The following IGFL2 variants were observed in gnomAD, a reference collection of about 807,000 sequenced individuals.
IGFL2 encodes the protein insulin growth factor-like family member 2.
In IGFL2, 7 loss-of-function variants were observed where a neutral mutation model predicts 13.9. The ratio of observed to expected loss-of-function variants is 0.51; its 90% CI spans 0.29 to 0.95. IGFL2 has a LOEUF of 0.95. Among genes scored for constraint, IGFL2 ranks in the 40% least tolerant of loss-of-function variants. The probability of loss-of-function intolerance (pLI) is 0.08; values close to 1 mark genes in which losing one functional copy is unlikely to be tolerated. For missense variants in IGFL2, 138 were observed against 147.8 expected (o/e 0.93, Z 0.34); for synonymous variants, 55 against 55.8 (o/e 0.99, Z 0.07).
downstream of IGFL2, among the ~76,000 whole-genome samples, chr19:46,163,457 G>T (rs1007280268): frequency 2.0e-5 from 3 of 152,224 alleles, no homozygotes; most frequent in Non-Finnish European, 2.9e-5. Flanking sequence ...CATGCCAGGG[G>T]TTCCCTGCCT....
chr19:46,097,922 A>G, the IGFL2 span, among the ~76,000 whole-genome samples: 2 of 152,208 alleles, frequency 1.3e-5, no homozygotes, highest in African/African-American at 4.8e-5. Flanking sequence ...TTTACTTCCA[A>G]TTATGAGATC....
chr19:46,160,024 A>G (rs1301369770), intron 1 of IGFL2: 1 of 258,814 alleles, frequency 3.9e-6, no homozygotes, highest in Non-Finnish European at 7.5e-6. Context: ...TCCTATCTCC[A>G]AGACAATCCT....
chr19:46,146,043 A>G (rs536074892), upstream of IGFL2, among the ~76,000 whole-genome samples: 127 of 152,280 alleles, frequency 8.3e-4, 2 homozygotes, highest in Middle Eastern at 0.017. Flanking sequence ...CTTTTCCCAG[A>G]TATAAATGTT....
chr19:46,125,136 C>T, the IGFL2 span, among the ~76,000 whole-genome samples: 1 of 152,162 alleles, frequency 6.6e-6, no homozygotes, highest in Admixed American at 6.5e-5. Context: ...GTCAAGGGGA[C>T]CGTTTATGAA....
At chr19:46,079,688 C>G in the IGFL2 span, among the ~76,000 whole-genome samples, 6 of 152,130 alleles carry the variant, frequency 3.9e-5, no homozygotes, top group Admixed American at 3.9e-4. Flanking sequence ...CGATTGCAGC[C>G]TGGATTTGAG....
chr19:46,165,804 G>A (rs1261696726), downstream of IGFL2, among the ~76,000 whole-genome samples: 3 of 152,210 alleles, frequency 2.0e-5, no homozygotes, highest in South Asian at 4.1e-4. Flanking sequence ...GCTGTGAGCC[G>A]CCTGGGTTGT....
At chr19:46,121,586 G>A in the IGFL2 span, among the ~76,000 whole-genome samples, 1 of 150,668 alleles carries the variant, frequency 6.6e-6, no homozygotes, top group East Asian at 2.0e-4. Context: ...AGAGAGGAAA[G>A]ATGTCAGAAT....
the IGFL2 span, chr19:46,212,988 C>T: frequency 3.3e-5 from 5 of 152,332 alleles, no homozygotes; most frequent in Admixed American, 3.3e-4. Flanking sequence ...CAGTCTCTCC[C>T]ACCCGAATGC....
intron 1 of IGFL2, chr19:46,148,927 C>G: frequency 6.4e-7 from 1 of 1,557,006 alleles, no homozygotes; most frequent in East Asian, 2.4e-5. Context: ...GAACCAGACC[C>G]AGCCCTGTAG....
chr19:46,200,583 A>G, the IGFL2 span, among the ~76,000 whole-genome samples: 5 of 149,276 alleles, frequency 3.3e-5, no homozygotes, highest in East Asian at 7.9e-4. Context: ...TGGTCTTATC[A>G]TGACTAATTT....
At chr19:46,088,581 T>C in the IGFL2 span, among the ~76,000 whole-genome samples, 39 of 152,228 alleles carry the variant, frequency 2.6e-4, no homozygotes, top group African/African-American at 9.2e-4. Context: ...TTCTTGTCAT[T>C]GATTTACAAA....
At chr19:46,211,208 C>G in the IGFL2 span, among the ~76,000 whole-genome samples, 1 of 152,232 alleles carries the variant, frequency 6.6e-6, no homozygotes, top group East Asian at 1.9e-4. Flanking sequence ...TCTTAATTCA[C>G]TGGTCTGCAT....
chr19:46,175,946 G>A, the IGFL2 span, among the ~76,000 whole-genome samples: 1 of 148,028 alleles, frequency 6.8e-6, no homozygotes, highest in East Asian at 2.0e-4. Context: ...TGGTTCAAGC[G>A]ATTGTCCTGC....
At chr19:46,171,580 CA>C in the IGFL2 span, among the ~76,000 whole-genome samples, 1 of 152,170 alleles carries the variant, frequency 6.6e-6, no homozygotes, top group Non-Finnish European at 1.5e-5. Context: ...GTACAATTTA[CA>C]ACTGCCTTCT....
chr19:46,153,059 G>A (rs1309772368), intron 1 of IGFL2, among the ~76,000 whole-genome samples: 1 of 152,146 alleles, frequency 6.6e-6, no homozygotes, highest in Non-Finnish European at 1.5e-5. Flanking sequence ...TATGCTGCTG[G>A]ATTTGGTTTG....
At chr19:46,171,585 G>T in the IGFL2 span, among the ~76,000 whole-genome samples, 11 of 152,124 alleles carry the variant, frequency 7.2e-5, no homozygotes, top group Admixed American at 2.0e-4. Context: ...ATTTACAACT[G>T]CCTTCTCTTC....
chr19:46,170,201 A>G, the IGFL2 span, among the ~76,000 whole-genome samples: 2 of 151,788 alleles, frequency 1.3e-5, no homozygotes, highest in African/African-American at 4.8e-5. Flanking sequence ...CTTGAGACTC[A>G]CTGTGTTGGT....
chr19:46,183,177 G>A, the IGFL2 span, among the ~76,000 whole-genome samples: 14 of 152,136 alleles, frequency 9.2e-5, no homozygotes, highest in Non-Finnish European at 2.1e-4. Flanking sequence ...GCAAGACGGG[G>A]GACGTGCCAC....
the IGFL2 span, among the ~76,000 whole-genome samples, chr19:46,107,755 T>A: frequency 2.0e-5 from 3 of 152,198 alleles, no homozygotes; most frequent in Admixed American, 1.3e-4. Flanking sequence ...CTTTTTCTAA[T>A]ATCGGGACTG....
Sources: allele counts gnomAD v4.1 joint callset (sites outside exome capture counted in the v4.1 genomes callset), GRCh38; gene constraint gnomAD v4.1.1; transcripts MANE v1.5; gene names NCBI Gene and HGNC (gene_info 2026-07-23, HGNC 2026-07-21).